Variants in ZRANB3 observed in about 807,000 individuals in gnomAD.
ZRANB3 encodes the protein DNA annealing helicase and endonuclease ZRANB3.
ZRANB3 carries 125 observed loss-of-function variants against 133.8 expected under a neutral mutation model. The ratio of observed to expected loss-of-function variants is 0.93; its 90% CI spans 0.81 to 1.08. The LOEUF (loss-of-function observed/expected upper bound fraction) is 1.08, where lower values mean the gene tolerates loss of function less well. Ranked by LOEUF, ZRANB3 falls within the 50% of genes least tolerant of loss-of-function variation. ZRANB3 has a pLI of 0.00. For synonymous variants in ZRANB3, 387 were observed against 432.7 expected (o/e 0.89, Z 1.31); for missense variants, 1,229 against 1,275.5 (o/e 0.96, Z 0.56).
At chr2:135,519,967 T>TCCG (rs1693856539) in intron 1 of ZRANB3, among the ~76,000 whole-genome samples, 2 of 152,298 alleles carry the variant, frequency 1.3e-5, no homozygotes, top group Non-Finnish European at 2.9e-5. Flanking sequence ...ATATAAAGGC[T>TCCG]GTGAACCGGA....
chr2:135,269,431 C>T lies in ZRANB3; in HGVS notation c.1207-290G>A, dbSNP rs16831497. Among the ~76,000 whole-genome samples the T allele has an allele frequency of 2.1e-3, 324 of 152,230 alleles. 4 individuals carry two copies. The highest frequency in any genetic ancestry group is 7.6e-3 in the African/African-American group (315 of 41,550). Reference sequence around the variant, plus strand: ...TATTCTCTGATGATGAACGGATTCACATTACCACTGGAAAATCTAATAAAA... The same window carrying T: ...TATTCTCTGATGATGAACGGATTCATATTACCACTGGAAAATCTAATAAAA... On this transcript the variant is annotated intron_variant, in intron 10 of 20. Transcript: ENST00000264159.
At chr2:135,487,792 T>A (rs1331801036) in intron 2 of ZRANB3, among the ~76,000 whole-genome samples, 1 of 152,230 alleles carries the variant, frequency 6.6e-6, no homozygotes, top group African/African-American at 2.4e-5. Context: ...TTTGATACTC[T>A]ATCCACACCA....
intron 14 of ZRANB3, among the ~76,000 whole-genome samples, chr2:135,225,034 T>C (rs1312333998): frequency 6.6e-6 from 1 of 152,184 alleles, no homozygotes; most frequent in Non-Finnish European, 1.5e-5. Context: ...TTTAGCCCTT[T>C]CTCAGTCCTA....
intron 19 of ZRANB3, among the ~76,000 whole-genome samples, chr2:135,204,930 C>T (rs1474439907): frequency 6.6e-6 from 1 of 151,784 alleles, no homozygotes; most frequent in Non-Finnish European, 1.5e-5. Context: ...GACCTTGAGT[C>T]ATTTTGTTGC....
intron 18 of ZRANB3, 126 bp from the exon 19 acceptor site, chr2:135,207,962 T>A: frequency 1.0e-6 from 1 of 959,298 alleles, no homozygotes; most frequent in Non-Finnish European, 1.5e-6. Context: ...AGTGTAGAAA[T>A]AAAATAGTTA....
At chr2:135,422,017 C>A (rs1167173899) in intron 2 of ZRANB3, among the ~76,000 whole-genome samples, 4 of 151,476 alleles carry the variant, frequency 2.6e-5, no homozygotes, top group East Asian at 3.9e-4. Flanking sequence ...TATCTTCATG[C>A]ATAGCTTCTT....
chr2:135,272,414 CTTTTTT>C lies in ZRANB3; in HGVS notation c.1087-533_1087-528del, dbSNP rs112209442. 3.8e-3 allele frequency among the ~76,000 whole-genome samples: 408 copies of C among 107,768 alleles called. 26 individuals carry two copies. The highest frequency in any genetic ancestry group is 0.017 in the African/African-American group (387 of 22,154). 70.7% of individuals were successfully genotyped at this position (107,768 alleles called of 152,430 possible). A position where few individuals can be genotyped will look rare whatever the true frequency, so the allele number is the denominator to read the frequency against. ...CCAAATATTAACTGGGAAAATAGAG[CTTTTTT>C]TTTTTTTTTTTTGTGACGGAGTCTT... On this transcript the variant is annotated intron_variant, in intron 9 of 20. Transcript: ENST00000264159.
intron 8 of ZRANB3, among the ~76,000 whole-genome samples, chr2:135,278,165 G>A (rs1238789223): frequency 1.3e-5 from 2 of 152,036 alleles, no homozygotes; most frequent in East Asian, 1.9e-4. Context: ...GACCCAGAAC[G>A]AGGCTCATTA....
At chr2:135,494,806 C>T (rs2104811039) in intron 2 of ZRANB3, among the ~76,000 whole-genome samples, 1 of 152,150 alleles carries the variant, frequency 6.6e-6, no homozygotes, top group Non-Finnish European at 1.5e-5. Context: ...AAGGAAGTGT[C>T]CCACATTAAA....
At chr2:135,269,412 CTGA>C (rs1401168160) in intron 10 of ZRANB3, among the ~76,000 whole-genome samples, 6 of 152,188 alleles carry the variant, frequency 3.9e-5, no homozygotes, top group African/African-American at 1.2e-4. Context: ...ACTTTATTCT[CTGA>C]TGATGAACGG....
chr2:135,399,173 G>A (rs1558970535), intron 2 of ZRANB3, among the ~76,000 whole-genome samples: 1 of 152,284 alleles, frequency 6.6e-6, no homozygotes, highest in African/African-American at 2.4e-5. Flanking sequence ...ACAGTGAAAT[G>A]TTTCTCTTCC....
intron 12 of ZRANB3, among the ~76,000 whole-genome samples, chr2:135,244,370 C>A (rs554366685): frequency 1.3e-5 from 2 of 152,134 alleles, no homozygotes; most frequent in East Asian, 3.9e-4. Context: ...CTTTGGGAGG[C>A]CAAGGCGGGC....
chr2:135,225,446 AT>A (rs1370589848), intron 14 of ZRANB3, among the ~76,000 whole-genome samples: 1 of 152,198 alleles, frequency 6.6e-6, no homozygotes, highest in Admixed American at 6.5e-5. Flanking sequence ...TTATTCCCTT[AT>A]TTTGTAAATT....
At chr2:135,430,793 G>A (rs184657983) in intron 2 of ZRANB3, among the ~76,000 whole-genome samples, 1 of 152,218 alleles carries the variant, frequency 6.6e-6, no homozygotes, top group East Asian at 1.9e-4. Context: ...AATGATTTTT[G>A]AGAAAATAAT....
intron 2 of ZRANB3, among the ~76,000 whole-genome samples, chr2:135,432,406 A>G (rs1252009712): frequency 6.6e-6 from 1 of 152,226 alleles, no homozygotes; most frequent in Non-Finnish European, 1.5e-5. Context: ...TAAGTTATAG[A>G]AGTGATACTG....
intron 12 of ZRANB3, among the ~76,000 whole-genome samples, chr2:135,250,876 C>T (rs13411317): frequency 0.031 from 4,770 of 152,302 alleles, 248 homozygotes; most frequent in African/African-American, 0.11. Flanking sequence ...AGTCCTCACA[C>T]AGAGTCCCTA....
chr2:135,273,335 T>C (rs1439884949), intron 9 of ZRANB3, among the ~76,000 whole-genome samples: 1 of 152,168 alleles, frequency 6.6e-6, no homozygotes, highest in Non-Finnish European at 1.5e-5. Context: ...TTCACTTTTA[T>C]AAGGGAATAT....
At chr2:135,500,105 G>A (rs1478836245) in intron 2 of ZRANB3, among the ~76,000 whole-genome samples, 1 of 152,136 alleles carries the variant, frequency 6.6e-6, no homozygotes, top group African/African-American at 2.4e-5. Context: ...AACAAACCCT[G>A]CCCACACCTT....
intron 3 of ZRANB3, among the ~76,000 whole-genome samples, chr2:135,379,892 C>T (rs1245710230): frequency 6.6e-6 from 1 of 152,094 alleles, no homozygotes; most frequent in Non-Finnish European, 1.5e-5. Context: ...CAAGACCCAT[C>T]AGTGTGCTGT....
Sources: allele counts gnomAD v4.1 joint callset (sites outside exome capture counted in the v4.1 genomes callset), GRCh38; gene constraint gnomAD v4.1.1; transcripts MANE v1.5; gene names NCBI Gene and HGNC (gene_info 2026-07-23, HGNC 2026-07-21).